Variants in QSER1 observed in about 807,000 individuals in gnomAD.
The protein encoded by QSER1 is glutamine and serine-rich protein 1.
Under a neutral mutation model 158.5 loss-of-function variants are expected in QSER1, and 49 were observed. The observed-to-expected ratio is 0.31, with a 90% confidence interval of 0.25 to 0.39. QSER1 has a LOEUF of 0.39. Ranked by LOEUF, QSER1 falls within the 10% of genes least tolerant of loss-of-function variation. The pLI, the probability that QSER1 is intolerant of heterozygous loss-of-function variation, is 1.00. For missense variants in QSER1, 1,754 were observed against 2,010.3 expected (o/e 0.87, Z 2.44); for synonymous variants, 650 against 715.5 (o/e 0.91, Z 1.46).
Position 32,955,432 on chromosome 11 carries a change from A to C in QSER1, c.4617+20A>C. ...AATAGTGTAAGTAAAATGCATGTTT[A>C]CATTAGCCTTATTTTGACAGTGGTC... On this transcript the variant is annotated intron_variant, in intron 6 of 12. Transcript: ENST00000650167. The C allele has an allele frequency of 8.4e-7, 1 of 1,188,124 alleles. No homozygotes were observed. Among genetic ancestry groups the C allele is most frequent in the Non-Finnish European group, 1.2e-6 (1 of 823,654 alleles). 73.6% of individuals were successfully genotyped at this position (1,188,124 alleles called of 1,614,324 possible).
In QSER1 at chr11:32,893,994, C is replaced by G. The variant is rs1590701076; in HGVS notation, c.209+660C>G. ...TTCAAAGTTGCTCTTAGGTTTCCTC[C>G]CCTTTTAACAACAGCAGGAAGTAAG... On this transcript the variant is annotated intron_variant, in intron 1 of 12. Coordinates refer to ENST00000650167, the MANE Select transcript of QSER1 (RefSeq NM_001076786.3). This position sits in a 1 kb window ranked among gnomAD's most constrained non-coding sequence, Gnocchi z 4.7. 6.6e-6 allele frequency among the ~76,000 whole-genome samples: 1 copy of G among 152,104 alleles called. No homozygotes were observed. Among genetic ancestry groups the G allele is most frequent in the African/African-American group, 2.4e-5 (1 of 41,426 alleles).
chr11:32,896,631 C>T (rs1851559278), intron 1 of QSER1, among the ~76,000 whole-genome samples: 2 of 152,128 alleles, frequency 1.3e-5, no homozygotes, highest in South Asian at 4.1e-4. Context: ...TCAGGTGATC[C>T]GCCCATTTTG....
chr11:32,941,384 T>TC (rs1263223630), intron 4 of QSER1, among the ~76,000 whole-genome samples: 3,813 of 44,310 alleles, frequency 0.086, 115 homozygotes, highest in Middle Eastern at 0.15. Context: ...CCCTCCCCCC[T>TC]CCACCCCCCA....
Position 32,932,785 on chromosome 11 carries a change from G to T in QSER1, c.1527G>T (p.Gly509=), listed in dbSNP as rs746618119. The change falls in exon 4 of 13, where the codon GGG becomes GGT. Residue 509 remains glycine, a synonymous_variant. Coordinates refer to ENST00000650167, the MANE Select transcript of QSER1 (RefSeq NM_001076786.3). The stretch of plus-strand genomic sequence containing the variant: ...TGTATAAAACATTGACTTTTTCTGG[G>T]TCATCTCAGACTGTAACTCCTGAAA... The part of the protein sequence containing the change: ...PPLYKTLTFS[G]SSQTVTPENQ... 1.8e-5 allele frequency: 29 copies of T among 1,613,842 alleles called. No homozygotes were observed. The highest frequency in any genetic ancestry group is 2.7e-5 in the African/African-American group (2 of 74,882).
At chr11:32,929,647 T>G (rs1852019565) in intron 3 of QSER1, among the ~76,000 whole-genome samples, 1 of 152,146 alleles carries the variant, frequency 6.6e-6, no homozygotes, top group Non-Finnish European at 1.5e-5. Flanking sequence ...ACACAACATA[T>G]AAATACACCA....
intron 1 of QSER1, among the ~76,000 whole-genome samples, chr11:32,920,847 T>C (rs968505496): frequency 2.0e-5 from 3 of 152,186 alleles, no homozygotes; most frequent in Non-Finnish European, 4.4e-5. Context: ...GAAATACAGA[T>C]AATAAATATT....
rs540572735 is a variant in QSER1 at position 32,919,911 on chromosome 11, C to T, written c.210-7246C>T. On this transcript the variant is annotated intron_variant, in intron 1 of 12. Transcript: ENST00000650167. Reference sequence around the variant, plus strand: ...GTCATTGGGAACTCTTTTCAAATAGCTTGTGTGTTCCTTTGACATAAATGT... The same window carrying T: ...GTCATTGGGAACTCTTTTCAAATAGTTTGTGTGTTCCTTTGACATAAATGT... Among the ~76,000 whole-genome samples, 139 of 152,276 alleles carry T rather than the reference C, an allele frequency of 9.1e-4. 1 individual carries two copies. The highest frequency in any genetic ancestry group is 5.4e-3 in the Admixed American group (82 of 15,286).
rs1047061643 is a variant in QSER1 at position 32,977,133 on chromosome 11, A to G, written c.*659A>G. The G allele has an allele frequency of 6.6e-6, 1 of 152,654 alleles. No homozygotes were observed. 9.5% of individuals were successfully genotyped at this position (152,654 alleles called of 1,614,324 possible). ...AAAACAATGACATACTATTTTCCCT[A>G]TCGCAAAGAAAAGTATTTTCGTTTA... On this transcript the variant is annotated 3_prime_UTR_variant, in exon 13 of 13. Transcript: ENST00000650167.
chr11:32,936,599 C>T (rs1396619647), intron 4 of QSER1, among the ~76,000 whole-genome samples: 1 of 152,134 alleles, frequency 6.6e-6, no homozygotes, highest in Non-Finnish European at 1.5e-5. Context: ...TTGTGAGATA[C>T]ACATTGTTAT....
rs149174664 is a variant in QSER1 at position 32,977,491 on chromosome 11, C to T, written c.*1017C>T. On this transcript the variant is annotated 3_prime_UTR_variant, in exon 13 of 13. Transcript: ENST00000650167. ...TCTTACTAAACTAGCACTTGATTAA[C>T]TTGTTGAGGTAAAAATCTAACTACA... The T allele has an allele frequency of 3.9e-5, 6 of 152,698 alleles. No homozygotes were observed. Among genetic ancestry groups the T allele is most frequent in the Non-Finnish European group, 7.4e-5 (5 of 68,000 alleles). 9.5% of individuals were successfully genotyped at this position (152,698 alleles called of 1,614,324 possible). A position where few individuals can be genotyped will look rare whatever the true frequency, so the allele number is the denominator to read the frequency against.
chr11:32,964,739 T>TATACAC (rs1260016683), intron 8 of QSER1, among the ~76,000 whole-genome samples: 1 of 100,758 alleles, frequency 9.9e-6, no homozygotes, highest in African/African-American at 4.1e-5. Flanking sequence ...TATATATATA[T>TATACAC]ACACACACAC....
At chr11:32,964,731 TATATATATACACACACACACAC>T (rs1203428802) in intron 8 of QSER1, among the ~76,000 whole-genome samples, 1 of 113,098 alleles carries the variant, frequency 8.8e-6, no homozygotes, top group Non-Finnish European at 1.9e-5. Context: ...TATATATATA[TATATATATACACACACACACAC>T]ACACACACAC....
At chr11:32,900,081 G>C (rs563543734) in intron 1 of QSER1, among the ~76,000 whole-genome samples, 2 of 152,096 alleles carry the variant, frequency 1.3e-5, no homozygotes, top group African/African-American at 4.8e-5. Context: ...AGCAAATCCT[G>C]TTGGTTCAAT....
intron 4 of QSER1, among the ~76,000 whole-genome samples, chr11:32,940,061 TC>T (rs1852207878): frequency 6.6e-6 from 1 of 151,930 alleles, no homozygotes; most frequent in Admixed American, 6.6e-5. Context: ...ACAGGGATTC[TC>T]CCTATTCTCT....
intron 4 of QSER1, among the ~76,000 whole-genome samples, chr11:32,952,202 CCTT>C (rs1326125659): frequency 6.6e-6 from 1 of 152,140 alleles, no homozygotes; most frequent in Non-Finnish European, 1.5e-5. Flanking sequence ...CTTCAGATAT[CCTT>C]CTTAGGAGGA....
chr11:32,973,605 C>T (rs1263908936), intron 11 of QSER1, 56 bp downstream of exon 11: 1 of 1,447,166 alleles, frequency 6.9e-7, no homozygotes, highest in East Asian at 2.3e-5. Flanking sequence ...TAATACAATT[C>T]CTACTTAAAA....
At chr11:32,938,739 A>C (rs981890554) in intron 4 of QSER1, among the ~76,000 whole-genome samples, 4 of 152,158 alleles carry the variant, frequency 2.6e-5, no homozygotes, top group Non-Finnish European at 4.4e-5. Flanking sequence ...CCTTGCTCTA[A>C]AATAATAAAG....
rs571744836 is a variant in QSER1 at position 32,968,715 on chromosome 11, A to G, written c.5108-331A>G. ...ATTAGGCAGCTTGCCTATTCGTCAC[A>G]TAGCTGCCACATATCAGTTCTATTC... On this transcript the variant is annotated intron_variant, in intron 9 of 12. Coordinates refer to ENST00000650167, the MANE Select transcript of QSER1 (RefSeq NM_001076786.3). 6.3e-4 allele frequency among the ~76,000 whole-genome samples: 96 copies of G among 152,374 alleles called. 1 individual carries two copies. The South Asian group carries it at 0.013, about 20-fold the overall frequency.
At chr11:32,895,273 T>A (rs755092544) in intron 1 of QSER1, among the ~76,000 whole-genome samples, 17 of 152,280 alleles carry the variant, frequency 1.1e-4, no homozygotes, top group Non-Finnish European at 2.1e-4. Context: ...CCTGCTTTTT[T>A]AAAAAATAAG....
Sources: gnomAD v4.1 joint callset for allele counts (sites outside exome capture counted in the v4.1 genomes callset) on GRCh38, gnomAD v4.1.1 for gene constraint, Gnocchi (gnomAD v3.1) non-coding constraint, MANE v1.5 for transcripts, NCBI Gene and HGNC (gene_info 2026-07-23, HGNC 2026-07-21) for gene names.